Variants in GET4 observed in about 807,000 individuals in gnomAD.
GET4 encodes Golgi to ER traffic protein 4 homolog.
GET4 carries 20 observed loss-of-function variants against 40.0 expected under a neutral mutation model. That is an observed-to-expected ratio of 0.50 (90% CI 0.35 to 0.73). GET4 has a LOEUF of 0.73. GET4 is among the 30% of genes least tolerant of loss of function. The pLI, the probability that GET4 is intolerant of heterozygous loss-of-function variation, is 0.01. For synonymous variants in GET4, 280 were observed against 194.6 expected (o/e 1.44, Z -3.65); for missense variants, 557 against 454.0 (o/e 1.23, Z -2.06).
chr7:889,813 T>C (rs76917100), intron 4 of GET4, among the ~76,000 whole-genome samples: 506 of 25,078 alleles, frequency 0.02, 46 homozygotes, highest in Admixed American at 0.031. Context: ...GAGCGGGTGT[T>C]AGGACGGGGT....
chr7:889,511 G>A (rs1046603868), intron 4 of GET4, among the ~76,000 whole-genome samples: 2 of 152,088 alleles, frequency 1.3e-5, no homozygotes, highest in Non-Finnish European at 2.9e-5. Flanking sequence ...GCAGCGGGAG[G>A]GCCCTGGAGG....
intron 1 of GET4, chr7:885,125 T>C (rs1844161622): frequency 6.6e-6 from 1 of 152,254 alleles, no homozygotes; most frequent in African/African-American, 2.4e-5. Flanking sequence ...TAGATTTATT[T>C]TTAAACAAGG....
At chr7:879,746 T>A (rs1844046016) in intron 1 of GET4, 1 of 152,286 alleles carries the variant, frequency 6.6e-6, no homozygotes, top group African/African-American at 2.4e-5. Context: ...TAGATGGAAC[T>A]ACTAATTTTA....
intron 6 of GET4, 79 bp downstream of exon 6, chr7:892,497 G>T (rs187592957): frequency 2.4e-5 from 35 of 1,467,206 alleles, no homozygotes; most frequent in Non-Finnish European, 3.0e-5. Flanking sequence ...TAGCTGTGTG[G>T]GTGTGTGTGC....
At chr7:881,533 C>G (rs1465841357) in intron 1 of GET4, 1 of 152,248 alleles carries the variant, frequency 6.6e-6, no homozygotes, top group African/African-American at 2.4e-5. Context: ...GAGTGGTTTT[C>G]CCTGTGTGTC....
rs554306230 is a variant in GET4 at position 883,655 on chromosome 7, T to G, written c.156-2401T>G. The G allele has an allele frequency of 4.4e-5, 43 of 985,450 alleles. No homozygotes were observed. The African/African-American group carries it at 7.3e-4, about 17-fold the overall frequency. 61.0% of individuals were successfully genotyped at this position (985,450 alleles called of 1,614,324 possible). A position where few individuals can be genotyped will look rare whatever the true frequency, so the allele number is the denominator to read the frequency against. On this transcript the variant is annotated intron_variant, in intron 1 of 8. Transcript: ENST00000265857. ...CTGGGTGTCCACATGGCACGGCCAA[T>G]AGTGCGCAGCATGCAGAGCCGGGCC...
chr7:883,907 C>G (rs1200877190), intron 1 of GET4: 3 of 1,044,394 alleles, frequency 2.9e-6, no homozygotes, highest in South Asian at 3.0e-5. Context: ...CCGGGGACCA[C>G]TGTGTGCCCA....
In GET4 at chr7:893,749, G is replaced by C; in HGVS notation, c.756G>C (p.Leu252=). ...TGTGTCTCTGTCCCAGTGGGAAGCT[G>C]ACGGTGTTCACTGTGCTGTGTGAGC... The part of the protein sequence containing the change: ...FLLLAVDGGK[L]TVFTVLCEQY... Residue 252 remains leucine (L), a synonymous_variant, in exon 7 of 9, where the codon CTG becomes CTC. Transcript: ENST00000265857. 6.2e-7 allele frequency: 1 copy of C among 1,606,082 alleles called. No homozygotes were observed. The highest frequency in any genetic ancestry group is 8.5e-7 in the Non-Finnish European group (1 of 1,174,460).
chr7:892,748 C>T (rs549478373), intron 6 of GET4, among the ~76,000 whole-genome samples: 9 of 132,798 alleles, frequency 6.8e-5, no homozygotes, highest in Admixed American at 3.0e-4. Flanking sequence ...GGGTTGTGTG[C>T]GGGTGTTGGG....
At chr7:877,458 C>T (rs1276385403) in intron 1 of GET4, among the ~76,000 whole-genome samples, 2 of 105,652 alleles carry the variant, frequency 1.9e-5, no homozygotes, top group Non-Finnish European at 4.0e-5. Flanking sequence ...TACCCTGCCT[C>T]CCTCTGCCCC....
chr7:893,773 G>C lies in GET4; in HGVS notation c.780G>C (p.Glu260Asp). The part of the protein sequence containing the change: ...GKLTVFTVLC[E>D]QYQPSLRRDP... ...TGACGGTGTTCACTGTGCTGTGTGA[G>C]CAGTACCAGCCATCCCTCCGGCGGG... The change falls in exon 7 of 9, where the codon GAG (glutamate) becomes GAC (aspartate). Residue 260 changes from glutamate (E) to aspartate (D), a missense_variant. Coordinates refer to ENST00000265857, the MANE Select transcript of GET4 (RefSeq NM_015949.3). The C allele has an allele frequency of 6.2e-7, 1 of 1,610,948 alleles. No homozygotes were observed. The highest frequency in any genetic ancestry group is 8.5e-7 in the Non-Finnish European group (1 of 1,178,040).
chr7:887,837 G>T (rs1044516791), intron 4 of GET4, among the ~76,000 whole-genome samples: 3 of 152,228 alleles, frequency 2.0e-5, no homozygotes, highest in African/African-American at 4.8e-5. Flanking sequence ...TCTTTCCAGC[G>T]CTGGGATGGT....
intron 6 of GET4, among the ~76,000 whole-genome samples, chr7:893,301 C>T (rs1384948457): frequency 1.0e-4 from 9 of 88,390 alleles, no homozygotes; most frequent in Admixed American, 6.7e-4. Flanking sequence ...TGGGCGCGGG[C>T]GCGGTGGTGT....
At chr7:884,282 G>T in intron 1 of GET4, 2 of 1,304,144 alleles carry the variant, frequency 1.5e-6, no homozygotes, top group Non-Finnish European at 2.0e-6. Context: ...AGAGTGCCCT[G>T]TGCCAGACGG....
rs755934178 is a variant in GET4 at position 892,350 on chromosome 7, C to A, written c.678C>A (p.Ile226=). ...FTTYTQKHPS[I]EDGPPFVEPL... is the part of the protein sequence containing the mutation. ...CGTACACCCAGAAGCACCCGTCCAT[C>A]GAGGACGGGCCTCCGTTTGTGGAGC... Residue 226 remains isoleucine (I), a synonymous_variant, in exon 6 of 9, where the codon ATC becomes ATA. Transcript: ENST00000265857. 1 of 1,595,552 alleles carries A rather than the reference C, an allele frequency of 6.3e-7. No individual in the cohort carries two copies. Among genetic ancestry groups the A allele is most frequent in the Non-Finnish European group, 8.6e-7 (1 of 1,164,398 alleles).
intron 1 of GET4, chr7:880,050 T>A (rs1376278067): frequency 6.6e-6 from 1 of 152,236 alleles, no homozygotes; most frequent in Non-Finnish European, 1.5e-5. Flanking sequence ...ATATAAATAT[T>A]TGCCCAATTT....
intron 4 of GET4, among the ~76,000 whole-genome samples, chr7:889,766 C>T (rs1317703906): frequency 4.9e-5 from 4 of 82,052 alleles, no homozygotes; most frequent in African/African-American, 2.1e-4. Context: ...GGAGCGCGAG[C>T]GGGTGTTAGG....
In GET4 at chr7:895,792, G is replaced by A. The variant is rs569498110; in HGVS notation, c.*370G>A. 8.1e-4 allele frequency: 132 copies of A among 162,560 alleles called. No individual in the cohort carries two copies. The highest frequency in any genetic ancestry group is 2.9e-3 in the African/African-American group (120 of 41,980). The allele number at this position is 162,560 out of a possible 1,614,324, so 10.1% of individuals were successfully genotyped here. A position where few individuals can be genotyped will look rare whatever the true frequency, so the allele number is the denominator to read the frequency against. Reference sequence around the variant, plus strand: ...GGCTGCGCACATCACGCTCCTTGCCGGGCGTCCGGCACAGCTGCGGTCACC... The same window carrying A: ...GGCTGCGCACATCACGCTCCTTGCCAGGCGTCCGGCACAGCTGCGGTCACC... On this transcript the variant is annotated 3_prime_UTR_variant, in exon 9 of 9. Coordinates refer to ENST00000265857, the MANE Select transcript of GET4 (RefSeq NM_015949.3).
At chr7:877,824 G>A (rs906033357) in intron 1 of GET4, 1 of 24,180 alleles carries the variant, frequency 4.1e-5, no homozygotes, top group Admixed American at 4.8e-4. Context: ...CTTCCCCCCC[G>A]GCCCCCCGCC....
Sources: gnomAD v4.1 joint callset for allele counts (sites outside exome capture counted in the v4.1 genomes callset) on GRCh38, gnomAD v4.1.1 for gene constraint, MANE v1.5 for transcripts, NCBI Gene and HGNC (gene_info 2026-07-23, HGNC 2026-07-21) for gene names.